The following CYP3A43 variants were observed in gnomAD, a reference collection of about 807,000 sequenced individuals.
CYP3A43 encodes the protein cytochrome P450 family 3 subfamily A member 43.
Under a neutral mutation model 58.0 loss-of-function variants are expected in CYP3A43, and 45 were observed. The ratio of observed to expected loss-of-function variants is 0.78; its 90% CI spans 0.61 to 0.99. CYP3A43 has a LOEUF of 0.99. Among genes scored for constraint, CYP3A43 ranks in the 50% least tolerant of loss-of-function variants. The pLI, the probability that CYP3A43 is intolerant of heterozygous loss-of-function variation, is 0.00. For missense variants in CYP3A43, 593 were observed against 591.9 expected (o/e 1.00, Z -0.02); for synonymous variants, 191 against 201.4 (o/e 0.95, Z 0.44).
intron 2 of CYP3A43, among the ~76,000 whole-genome samples, chr7:99,837,570 A>T (rs523407): frequency 0.21 from 32,110 of 152,098 alleles, 7,116 homozygotes; most frequent in African/African-American, 0.57. Flanking sequence ...GAGCCTGAGC[A>T]GGGAGTGCTT....
chr7:99,841,018 G>C (rs143108431), intron 3 of CYP3A43, among the ~76,000 whole-genome samples: 20 of 152,286 alleles, frequency 1.3e-4, no homozygotes, highest in Admixed American at 2.6e-4. Flanking sequence ...CTGCCATAGA[G>C]CTCCTTTCTG....
In CYP3A43 at chr7:99,839,303, G is replaced by A. The variant is rs1379017358; in HGVS notation, c.218+131G>A. On this transcript the variant is annotated intron_variant, in intron 3 of 12. Coordinates refer to ENST00000354829, the MANE Select transcript of CYP3A43 (RefSeq NM_057095.3). ...TCAACCTAAGTAACAAACAGAGAGAGGCTATCTAAAAGAAAAAGATGATCT... is the reference window on the plus strand; with the variant it reads ...TCAACCTAAGTAACAAACAGAGAGAAGCTATCTAAAAGAAAAAGATGATCT... 9.0e-6 allele frequency: 10 copies of A among 1,111,940 alleles called. No homozygotes were observed. The South Asian group carries it at 9.1e-5, about 10-fold the overall frequency. 68.9% of individuals were successfully genotyped at this position (1,111,940 alleles called of 1,614,324 possible). A position where few individuals can be genotyped will look rare whatever the true frequency, so the allele number is the denominator to read the frequency against.
intron 7 of CYP3A43, among the ~76,000 whole-genome samples, chr7:99,855,264 G>C (rs1256006990): frequency 6.6e-6 from 1 of 152,144 alleles, no homozygotes; most frequent in Non-Finnish European, 1.5e-5. Context: ...AAAGCAGCAG[G>C]CTATCCAAAG....
chr7:99,861,616 C>A lies in CYP3A43; in HGVS notation c.1030C>A (p.Pro344Thr), dbSNP rs768220804. The stretch of plus-strand genomic sequence containing the variant: ...AAATCTGTTTCTTTCTTCCCAGGCA[C>A]CTGTCACCTACGATGCCCTGGTACA... ...EIDAVLPNKA[P>T]VTYDALVQME... Residue 344 changes from proline (P) to threonine (T), a missense_variant, in exon 11 of 13, where the codon CCT (proline) becomes ACT (threonine). By Grantham distance (38) the Pro-to-Thr change is conservative (BLOSUM62 -1). Transcript: ENST00000354829. The A allele has an allele frequency of 1.2e-6, 2 of 1,613,744 alleles. No individual in the cohort carries two copies. Among genetic ancestry groups the A allele is most frequent in the Non-Finnish European group, 1.7e-6 (2 of 1,179,832 alleles).
In CYP3A43 at chr7:99,847,615, G is replaced by A. The variant is rs973249317; in HGVS notation, c.432+14G>A. On this transcript the variant is annotated intron_variant, in intron 5 of 12. Coordinates refer to ENST00000354829, the MANE Select transcript of CYP3A43 (RefSeq NM_057095.3). ...AAATTCAAGGAAGTAAGAAAATAAGGTGATTTATAATTAGAAACTTAAAGG... is the reference window on the plus strand; with the variant it reads ...AAATTCAAGGAAGTAAGAAAATAAGATGATTTATAATTAGAAACTTAAAGG... 1 of 1,612,968 alleles carries A rather than the reference G, an allele frequency of 6.2e-7. No homozygotes were observed. The highest frequency in any genetic ancestry group is 1.7e-4 in the Middle Eastern group (1 of 6,004).
chr7:99,854,272 T>C (rs547237180), intron 7 of CYP3A43, among the ~76,000 whole-genome samples: 1 of 150,994 alleles, frequency 6.6e-6, no homozygotes, highest in East Asian at 1.9e-4. Flanking sequence ...AGTTGCGTGA[T>C]CTAGGCTCAC....
At chr7:99,837,994 AC>A (rs34563760) in intron 2 of CYP3A43, among the ~76,000 whole-genome samples, 1 of 152,014 alleles carries the variant, frequency 6.6e-6, no homozygotes, top group Admixed American at 6.5e-5. Context: ...ATCCTTTTTT[AC>A]CCCCCGAAAA....
chr7:99,829,737 G>A (rs1816768228), intron 1 of CYP3A43, among the ~76,000 whole-genome samples: 1 of 152,166 alleles, frequency 6.6e-6, no homozygotes, highest in South Asian at 2.1e-4. Context: ...CTCTTATTAA[G>A]TACCTGTTTA....
At chr7:99,865,533 C>A (rs1043565818) in intron 12 of CYP3A43, among the ~76,000 whole-genome samples, 5 of 148,678 alleles carry the variant, frequency 3.4e-5, no homozygotes, top group Non-Finnish European at 7.4e-5. Context: ...TCATCATATA[C>A]AAAATTAACT....
intron 10 of CYP3A43, among the ~76,000 whole-genome samples, chr7:99,860,655 T>G (rs1475593748): frequency 6.6e-6 from 1 of 152,162 alleles, no homozygotes. Context: ...AAAGGAATGT[T>G]CATCTAAGTT....
intron 7 of CYP3A43, among the ~76,000 whole-genome samples, chr7:99,853,073 A>G (rs1256451503): frequency 1.3e-5 from 2 of 152,158 alleles, no homozygotes; most frequent in African/African-American, 2.4e-5. Context: ...CCTGTGATAT[A>G]TTTTTCCAGT....
At chr7:99,862,190 G>A (rs1187860931) in intron 11 of CYP3A43, among the ~76,000 whole-genome samples, 1 of 152,118 alleles carries the variant, frequency 6.6e-6, no homozygotes, top group Non-Finnish European at 1.5e-5. Context: ...ATATGCATAA[G>A]CTATAATTCA....
chr7:99,848,326 C>G, intron 6 of CYP3A43, 72 bp downstream of exon 6: 1 of 1,494,886 alleles, frequency 6.7e-7, no homozygotes. Flanking sequence ...GCTGATATTC[C>G]CACTGTTGGG....
intron 1 of CYP3A43, among the ~76,000 whole-genome samples, chr7:99,832,705 AAACAAAAC>A (rs1816897603): frequency 2.0e-5 from 3 of 152,144 alleles, no homozygotes; most frequent in Admixed American, 1.3e-4. Flanking sequence ...ATAGAAAAAA[AAACAAAAC>A]AACAAAACAA....
chr7:99,858,243 G>C (rs1232149429), intron 9 of CYP3A43, among the ~76,000 whole-genome samples: 1 of 152,096 alleles, frequency 6.6e-6, no homozygotes, highest in Non-Finnish European at 1.5e-5. Flanking sequence ...TAAAATAATT[G>C]GAAAGTTGAA....
chr7:99,860,010 G>A lies in CYP3A43; in HGVS notation c.1026+20G>A. 2 of 1,547,898 alleles carry A rather than the reference G, an allele frequency of 1.3e-6. No individual in the cohort carries two copies. Among genetic ancestry groups the A allele is most frequent in the Admixed American group, 2.1e-5 (1 of 48,760 alleles). On this transcript the variant is annotated intron_variant, in intron 10 of 12. Coordinates refer to ENST00000354829, the MANE Select transcript of CYP3A43 (RefSeq NM_057095.3). ...AATAAGGTAAGGGGATGATCCCCTG[G>A]AGAAGGAGGGAGAAGGTGAAGCCTC... is the stretch of plus-strand genomic sequence containing the variant.
At position 99,845,201 on chromosome 7, in the gene CYP3A43, G is replaced by A. The variant is rs143891225; in HGVS notation, c.318+959G>A. Among the ~76,000 whole-genome samples, 141 of 152,246 alleles carry A rather than the reference G, an allele frequency of 9.3e-4. 1 individual carries two copies. The highest frequency in any genetic ancestry group is 3.1e-3 in the African/African-American group (128 of 41,550). On this transcript the variant is annotated intron_variant, in intron 4 of 12. Coordinates refer to ENST00000354829, the MANE Select transcript of CYP3A43 (RefSeq NM_057095.3). ...TCATAGTTCACTTTCTGTGGCCTGTGGCTGTGTGATTTTTCCAACACCATT... is the reference window on the plus strand; with the variant it reads ...TCATAGTTCACTTTCTGTGGCCTGTAGCTGTGTGATTTTTCCAACACCATT...
chr7:99,855,587 A>G lies in CYP3A43; in HGVS notation c.671-4A>G, dbSNP rs966363037. 7 of 1,601,288 alleles carry G rather than the reference A, an allele frequency of 4.4e-6. No individual in the cohort carries two copies. The highest frequency in any genetic ancestry group is 2.7e-5 in the African/African-American group (2 of 74,142). ...TTTTCTTTTTCTATTTAATTTTCCT[A>G]TAGCACTCTTTCCATTTCTTACCCC... On this transcript the variant is annotated splice_region_variant and splice_polypyrimidine_tract_variant and intron_variant, in intron 7 of 12. Coordinates refer to ENST00000354829, the MANE Select transcript of CYP3A43 (RefSeq NM_057095.3).
chr7:99,861,263 C>G (rs577532503), intron 10 of CYP3A43, among the ~76,000 whole-genome samples: 13 of 152,286 alleles, frequency 8.5e-5, no homozygotes, highest in African/African-American at 2.6e-4. Flanking sequence ...TGCATAGCCT[C>G]TCTTTGGAAA....
Sources: gnomAD v4.1 joint callset for allele counts (sites outside exome capture counted in the v4.1 genomes callset) on GRCh38, gnomAD v4.1.1 for gene constraint, MANE v1.5 for transcripts, NCBI Gene and HGNC (gene_info 2026-07-23, HGNC 2026-07-21) for gene names.